The following FYN variants were observed in gnomAD, a reference collection of about 807,000 sequenced individuals.
FYN encodes FYN proto-oncogene, Src family tyrosine kinase, also known as tyrosine-protein kinase Fyn.
A neutral mutation model predicts 70.2 loss-of-function variants in FYN; 10 were observed. The observed-to-expected ratio is 0.14, with a 90% CI of 0.09 to 0.24. The LOEUF (loss-of-function observed/expected upper bound fraction) is 0.24. FYN is among the 10% of genes least tolerant of loss of function. FYN has a pLI of 1.00. For synonymous variants in FYN, 236 were observed against 248.6 expected, an observed-to-expected ratio of 0.95 and a Z score of 0.48; for missense variants, 319 against 673.1, an observed-to-expected ratio of 0.47 and a Z score of 5.82.
chr6:111,839,170 G>T (rs1048061852), intron 2 of FYN, among the ~76,000 whole-genome samples: 1 of 152,114 alleles, frequency 6.6e-6, no homozygotes, highest in Non-Finnish European at 1.5e-5. Flanking sequence ...GCCACCTATA[G>T]AAGAGTTTCC....
At chr6:111,688,379 A>G (rs897615685) in intron 12 of FYN, among the ~76,000 whole-genome samples, 7 of 152,230 alleles carry the variant, frequency 4.6e-5, no homozygotes, top group African/African-American at 1.2e-4. Flanking sequence ...CCACAACAGC[A>G]TTTGATTCCC....
chr6:111,822,640 A>G (rs1772705759), intron 2 of FYN, among the ~76,000 whole-genome samples: 1 of 151,330 alleles, frequency 6.6e-6, no homozygotes, highest in Non-Finnish European at 1.5e-5. Context: ...ATATATATAT[A>G]AAATTTAAAA....
intron 5 of FYN, among the ~76,000 whole-genome samples, chr6:111,709,413 A>G (rs1194876333): frequency 6.6e-6 from 1 of 152,158 alleles, no homozygotes; most frequent in Non-Finnish European, 1.5e-5. Flanking sequence ...TCCAGATAGG[A>G]TTTAATAGAG....
At chr6:111,672,352 C>A (rs1041818697) in intron 13 of FYN, among the ~76,000 whole-genome samples, 1 of 152,240 alleles carries the variant, frequency 6.6e-6, no homozygotes, top group Non-Finnish European at 1.5e-5. Flanking sequence ...CACTGCAGAC[C>A]AGCACTTGCT....
chr6:111,821,970 T>C (rs535739201), intron 2 of FYN, among the ~76,000 whole-genome samples: 12 of 149,520 alleles, frequency 8.0e-5, no homozygotes, highest in African/African-American at 3.0e-4. Flanking sequence ...CATTAAAAAA[T>C]CAGGAAAGAA....
intron 3 of FYN, among the ~76,000 whole-genome samples, chr6:111,746,775 A>C (rs1162891685): frequency 6.6e-6 from 1 of 152,102 alleles, no homozygotes; most frequent in African/African-American, 2.4e-5. Flanking sequence ...AACAGCAACA[A>C]GGGCTAAAAC....
chr6:111,672,687 C>T (rs367843930), intron 13 of FYN, among the ~76,000 whole-genome samples: 1 of 152,190 alleles, frequency 6.6e-6, no homozygotes, highest in African/African-American at 2.4e-5. Context: ...GCCCACTGTG[C>T]TAACAATGCC....
At chr6:111,841,427 C>T (rs1773353831) in intron 2 of FYN, among the ~76,000 whole-genome samples, 1 of 152,166 alleles carries the variant, frequency 6.6e-6, no homozygotes, top group Non-Finnish European at 1.5e-5. Flanking sequence ...AAGAGAGCAT[C>T]CACAGTGGAG....
chr6:111,749,210 A>G (rs189748379), intron 3 of FYN, among the ~76,000 whole-genome samples: 1 of 152,186 alleles, frequency 6.6e-6, no homozygotes, highest in Non-Finnish European at 1.5e-5. Context: ...GAACTTTAAA[A>G]AAACCTTAAT....
At chr6:111,708,319 A>C in intron 5 of FYN, 1 of 323,456 alleles carries the variant, frequency 3.1e-6, no homozygotes, top group Non-Finnish European at 6.0e-6. Context: ...TAGTGTCCTT[A>C]ACTTGGATGG....
intron 2 of FYN, among the ~76,000 whole-genome samples, chr6:111,838,604 A>G (rs1256516791): frequency 6.6e-6 from 1 of 152,232 alleles, no homozygotes; most frequent in Non-Finnish European, 1.5e-5. Context: ...AGATGTGCTT[A>G]TAGCAGTCAC....
At chr6:111,668,158 C>T (rs1004789042) in intron 13 of FYN, among the ~76,000 whole-genome samples, 22 of 152,212 alleles carry the variant, frequency 1.4e-4, no homozygotes, top group African/African-American at 4.3e-4. Context: ...CCTGCGCCAT[C>T]GCATGTGCTT....
chr6:111,835,580 C>T lies in FYN; in HGVS notation c.-82+11009G>A, dbSNP rs559449938. On this transcript the variant is annotated intron_variant, in intron 2 of 13. Coordinates refer to ENST00000354650, the MANE Select transcript of FYN (RefSeq NM_002037.5). ...TGCCCCTGTACCCTTTCCCCATTGGCCAGGGTCGGTTCATACAATCTAAAC... is the reference window on the plus strand; with the variant it reads ...TGCCCCTGTACCCTTTCCCCATTGGTCAGGGTCGGTTCATACAATCTAAAC... Among the ~76,000 whole-genome samples the T allele has an allele frequency of 2.0e-5, 3 of 152,346 alleles. No homozygotes were observed. In the South Asian group the frequency reaches 6.2e-4, roughly 32 times the overall value.
chr6:111,747,643 T>C (rs1415063502), intron 3 of FYN, among the ~76,000 whole-genome samples: 2 of 152,184 alleles, frequency 1.3e-5, no homozygotes, highest in African/African-American at 2.4e-5. Context: ...TTGGAAGTGA[T>C]GTTGGTTTGC....
chr6:111,750,785 A>C (rs1463111043), intron 3 of FYN, among the ~76,000 whole-genome samples: 2 of 151,742 alleles, frequency 1.3e-5, no homozygotes, highest in Non-Finnish European at 2.9e-5. Context: ...TGCTGAAACA[A>C]AGGGCATGCG....
At chr6:111,808,008 T>C (rs1772204949) in intron 2 of FYN, among the ~76,000 whole-genome samples, 1 of 152,096 alleles carries the variant, frequency 6.6e-6, no homozygotes, top group South Asian at 2.1e-4. Context: ...CTCGAGAGGC[T>C]GAGGTAGGAG....
At chr6:111,736,338 A>AT (rs1205973448) in intron 3 of FYN, among the ~76,000 whole-genome samples, 2 of 152,144 alleles carry the variant, frequency 1.3e-5, no homozygotes, top group Non-Finnish European at 2.9e-5. Context: ...AAGGCAGCTT[A>AT]TTTTTTCAGC....
chr6:111,842,011 A>C (rs548368317), intron 2 of FYN, among the ~76,000 whole-genome samples: 11 of 148,608 alleles, frequency 7.4e-5, no homozygotes, highest in Admixed American at 1.3e-4. Context: ...ACACACACAC[A>C]CCCATGCATG....
At chr6:111,867,944 T>A (rs942180824) in intron 1 of FYN, among the ~76,000 whole-genome samples, 1 of 152,200 alleles carries the variant, frequency 6.6e-6, no homozygotes, top group Non-Finnish European at 1.5e-5. Flanking sequence ...TTTGTCCATC[T>A]CTGTACCACT....
Sources: allele counts gnomAD v4.1 joint callset (sites outside exome capture counted in the v4.1 genomes callset), GRCh38; gene constraint gnomAD v4.1.1; transcripts MANE v1.5; gene names NCBI Gene and HGNC (gene_info 2026-07-23, HGNC 2026-07-21).